The following ATG9B variants were observed in gnomAD, a reference collection of about 807,000 sequenced individuals.
The protein encoded by ATG9B is autophagy related 9B.
ATG9B carries 92 observed loss-of-function variants against 92.9 expected under a neutral mutation model. The observed-to-expected ratio is 0.99, with a 90% CI of 0.84 to 1.18. The LOEUF (loss-of-function observed/expected upper bound fraction) is 1.18. ATG9B is among the 50% of genes most tolerant of loss of function. The pLI is 0.00. For synonymous variants in ATG9B, 599 were observed against 551.4 expected, an observed-to-expected ratio of 1.09 and a Z score of -1.21; for missense variants, 1,344 against 1,235.0, an observed-to-expected ratio of 1.09 and a Z score of -1.32.
chr7:151,019,316 C>A lies in ATG9B; in HGVS notation c.1022G>T (p.Arg341Leu), dbSNP rs1352580871. ...EVQSRLLALQ[R>L]SGGLCVQPRP... ...CGGCTGCACGCACAGGCCCCCGCTC[C>A]GCTGCAGTGCCAAGAGGCGGGACTG... The change falls in exon 6 of 14, where the codon CGG becomes CTG. Residue 341 changes from arginine to leucine, a missense_variant. Coordinates refer to ENST00000639579, the MANE Select transcript of ATG9B (RefSeq NM_001317056.2). 7 of 1,576,448 alleles carry A rather than the reference C, an allele frequency of 4.4e-6. No homozygotes were observed. The highest frequency in any genetic ancestry group is 6.0e-6 in the Non-Finnish European group (7 of 1,169,024).
intron 5 of ATG9B, among the ~76,000 whole-genome samples, chr7:151,020,723 T>C (rs1255934070): frequency 6.6e-6 from 1 of 152,182 alleles, no homozygotes; most frequent in African/African-American, 2.4e-5. Context: ...ATGCGGGGGA[T>C]GGCTTTGAAG....
downstream of ATG9B, chr7:151,015,057 C>A (rs905785977): frequency 6.6e-6 from 1 of 152,244 alleles, no homozygotes; most frequent in African/African-American, 2.4e-5. Flanking sequence ...CTGGGCTGCT[C>A]CCCCGTGCAG....
intron 11 of ATG9B, 68 bp downstream of exon 11, chr7:151,016,363 C>T: frequency 6.6e-7 from 1 of 1,522,204 alleles, no homozygotes; most frequent in South Asian, 1.2e-5. Flanking sequence ...GACTCCACCC[C>T]ACCTCAGTCT....
intron 4 of ATG9B, among the ~76,000 whole-genome samples, chr7:151,021,581 T>C (rs1454899877): frequency 6.6e-6 from 1 of 152,188 alleles, no homozygotes; most frequent in African/African-American, 2.4e-5. Flanking sequence ...CAGTGGAGTT[T>C]TCCAGAGGCT....
downstream of ATG9B, chr7:151,013,424 G>C: frequency 6.3e-7 from 1 of 1,580,582 alleles, no homozygotes; most frequent in South Asian, 1.1e-5. Context: ...GATAGGGAGA[G>C]AGGGGAGGAC....
intron 3 of ATG9B, 29 bp downstream of exon 3, chr7:151,023,416 G>C: frequency 6.2e-7 from 1 of 1,611,762 alleles, no homozygotes; most frequent in Non-Finnish European, 8.5e-7. Flanking sequence ...CCAGGGGACC[G>C]AGTTCCGGGC....
chr7:151,021,120 ACTT>A, intron 5 of ATG9B, 65 bp downstream of exon 5: 1 of 1,578,058 alleles, frequency 6.3e-7, no homozygotes, highest in East Asian at 2.2e-5. Flanking sequence ...GTACAGTCCC[ACTT>A]CTTCCCCTCT....
downstream of ATG9B, chr7:151,012,482 G>A (rs758252146): frequency 2.5e-6 from 4 of 1,610,964 alleles, no homozygotes; most frequent in East Asian, 8.9e-5. Flanking sequence ...GGTGAGGCTG[G>A]GGACTAAAGG....
At chr7:151,013,971 G>A (rs757162680), downstream of ATG9B, 27 of 1,607,416 alleles carry the variant, frequency 1.7e-5, no homozygotes, top group Non-Finnish European at 2.3e-5. Flanking sequence ...TAAGGTCTCC[G>A]AGTCGGGTTC....
rs1795580130 is a variant in ATG9B at position 151,018,097 on chromosome 7, C to T, written c.1873-47G>A. On this transcript the variant is annotated intron_variant, in intron 7 of 13. Coordinates refer to ENST00000639579, the MANE Select transcript of ATG9B (RefSeq NM_001317056.2). The surrounding 1 kb of genome is among the most constrained non-coding windows in gnomAD (Gnocchi z 4.7). ...TGAGCAGGGGTCGCTGAGGGGCCCACGCGCGTTATCAGGACCAAGCAGTCC... is the reference window on the plus strand; with the variant it reads ...TGAGCAGGGGTCGCTGAGGGGCCCATGCGCGTTATCAGGACCAAGCAGTCC... 1.3e-6 allele frequency: 2 copies of T among 1,527,832 alleles called. No individual in the cohort carries two copies. The highest frequency in any genetic ancestry group is 2.8e-5 in the African/African-American group (2 of 72,652). 94.6% of individuals were successfully genotyped at this position (1,527,832 alleles called of 1,614,324 possible).
intron 8 of ATG9B, 59 bp downstream of exon 8, chr7:151,017,812 C>A: frequency 6.7e-7 from 1 of 1,492,212 alleles, no homozygotes. Context: ...GGTCTGCTCC[C>A]GAGAGGCAAG....
Position 151,019,446 on chromosome 7 carries a change from T to G in ATG9B, c.964-72A>C, listed in dbSNP as rs184048273. 105 of 1,466,078 alleles carry G rather than the reference T, an allele frequency of 7.2e-5. No individual in the cohort carries two copies. The East Asian group carries it at 1.8e-3, about 25-fold the overall frequency. The allele number at this position is 1,466,078 out of a possible 1,614,324, so 90.8% of individuals were successfully genotyped here. ...CAGTGATGCTCAAGCTCCACACCCC[T>G]AAGTGTGCGGCCTGAAAACCCGCAA... On this transcript the variant is annotated intron_variant, in intron 5 of 13. Coordinates refer to ENST00000639579, the MANE Select transcript of ATG9B (RefSeq NM_001317056.2).
At position 151,018,825 on chromosome 7, in the gene ATG9B, G is replaced by C. The variant is rs1456370959; in HGVS notation, c.1513C>G (p.Arg505Gly). Residue 505 changes from arginine (R) to glycine (G), a missense_variant, in exon 6 of 14, where the codon CGC (arginine) becomes GGC (glycine). Transcript: ENST00000639579. The surrounding 1 kb of genome is among the most constrained non-coding windows in gnomAD (Gnocchi z 4.7). ...LPHELRARLA[R>G]AYRPAAAFLR... ...AAGGCGGCGGCGGGGCGGTAGGCGC[G>C]GGCCAGGCGCGCGCGCAGCTCGTGC... 3.2e-6 allele frequency: 4 copies of C among 1,250,566 alleles called. No homozygotes were observed. The highest frequency in any genetic ancestry group is 3.0e-6 in the Non-Finnish European group (3 of 1,001,198). The allele number at this position is 1,250,566 out of a possible 1,614,324, so 77.5% of individuals were successfully genotyped here. A position where few individuals can be genotyped will look rare whatever the true frequency, so the allele number is the denominator to read the frequency against.
chr7:151,022,423 A>G (rs932210315), intron 4 of ATG9B, among the ~76,000 whole-genome samples: 5 of 151,636 alleles, frequency 3.3e-5, no homozygotes, highest in African/African-American at 4.9e-5. Flanking sequence ...GGTGTGAACC[A>G]CTATGCCCGG....
intron 4 of ATG9B, 57 bp downstream of exon 4, chr7:151,022,988 A>G (rs1367241287): frequency 1.7e-5 from 27 of 1,605,278 alleles, no homozygotes; most frequent in Non-Finnish European, 2.0e-5. Flanking sequence ...GCTCCCGTCT[A>G]CTCCTCTACC....
downstream of ATG9B, chr7:151,013,602 G>C (rs1795359549): frequency 1.2e-6 from 1 of 827,720 alleles, no homozygotes; most frequent in Non-Finnish European, 1.7e-6. Context: ...CACCGCCCCA[G>C]GGCACGCAGG....
rs1381755805 is a variant in ATG9B, at chr7:151,015,551, C to T, written c.*177G>A. 2 of 214,516 alleles carry T rather than the reference C, an allele frequency of 9.3e-6. No homozygotes were observed. The highest frequency in any genetic ancestry group is 1.2e-4 in the Admixed American group (2 of 17,082). 13.3% of individuals were successfully genotyped at this position (214,516 alleles called of 1,614,324 possible). On this transcript the variant is annotated 3_prime_UTR_variant, in exon 14 of 14. Coordinates refer to ENST00000639579, the MANE Select transcript of ATG9B (RefSeq NM_001317056.2). ...TCCAGATGCCATCAGCATCTCCTCT[C>T]CTTGCCTACCTTTTCTCTGTTCTCG...
At chr7:151,013,827 C>T (rs748046813), downstream of ATG9B, 1 of 1,608,490 alleles carries the variant, frequency 6.2e-7, no homozygotes, top group South Asian at 1.1e-5. Context: ...GTTACCATGG[C>T]AACCAACGTC....
In ATG9B at chr7:151,016,803, T is replaced by C; in HGVS notation, c.2308A>G (p.Asn770Asp). 6.2e-7 allele frequency: 1 copy of C among 1,610,074 alleles called. No individual in the cohort carries two copies. Among genetic ancestry groups the C allele is most frequent in the South Asian group, 1.1e-5 (1 of 90,526 alleles). The change falls in exon 10 of 14, where the codon AAC (asparagine) becomes GAC (aspartate). Residue 770 changes from asparagine to aspartate, a missense_variant. Transcript: ENST00000639579. ...TSPLPEAFLANLFVHPLLPPR... is the reference protein window; with the variant it reads ...TSPLPEAFLADLFVHPLLPPR... ...GGCAGGAGAGGGTGCACGAAGAGGT[T>C]GGCCAGGAAGGCCTCAGGCTGGGTG...
Sources: allele counts gnomAD v4.1 joint callset (sites outside exome capture counted in the v4.1 genomes callset), GRCh38; gene constraint gnomAD v4.1.1; non-coding constraint Gnocchi (gnomAD v3.1); transcripts MANE v1.5; gene names NCBI Gene and HGNC (gene_info 2026-07-23, HGNC 2026-07-21).